ZMYND11: variants seen among roughly 807,000 people sequenced by gnomAD.
ZMYND11 encodes the protein zinc finger MYND-type containing 11, also known as zinc finger MYND domain-containing protein 11.
Under a neutral mutation model 84.9 loss-of-function variants are expected in ZMYND11, and 9 were observed. That is an observed-to-expected ratio of 0.11 (90% confidence interval 0.06 to 0.18). The LOEUF (loss-of-function observed/expected upper bound fraction) is 0.18. Among genes scored for constraint, ZMYND11 ranks in the 10% least tolerant of loss-of-function variants. The probability of loss-of-function intolerance (pLI) is 1.00; values close to 1 mark genes in which losing one functional copy is unlikely to be tolerated. For missense variants in ZMYND11, 409 were observed against 761.0 expected (o/e 0.54, Z 5.44); for synonymous variants, 250 against 244.1 (o/e 1.02, Z -0.23).
At chr10:230,538 G>C (rs565050667) in intron 4 of ZMYND11, among the ~76,000 whole-genome samples, 1 of 151,598 alleles carries the variant, frequency 6.6e-6, no homozygotes, top group African/African-American at 2.4e-5. Context: ...ACAGGCTCTG[G>C]GGGGTAAGGC....
chr10:166,404 A>G (rs1331025330), intron 1 of ZMYND11, among the ~76,000 whole-genome samples: 1 of 152,106 alleles, frequency 6.6e-6, no homozygotes, highest in Non-Finnish European at 1.5e-5. Context: ...AACAGCAACA[A>G]AAAGACAACC....
chr10:168,050 G>A (rs1588604187), intron 1 of ZMYND11, among the ~76,000 whole-genome samples: 1 of 152,056 alleles, frequency 6.6e-6, no homozygotes, highest in Admixed American at 6.6e-5. Flanking sequence ...TGTTGAATCA[G>A]TAAGTATTTA....
At chr10:159,673 C>A (rs1259991883) in intron 1 of ZMYND11, among the ~76,000 whole-genome samples, 1 of 152,104 alleles carries the variant, frequency 6.6e-6, no homozygotes, top group Non-Finnish European at 1.5e-5. Context: ...ATATTTCTTA[C>A]ACTTTTGCCT....
chr10:171,342 C>G (rs782392341), intron 1 of ZMYND11, among the ~76,000 whole-genome samples: 1 of 152,108 alleles, frequency 6.6e-6, no homozygotes, highest in African/African-American at 2.4e-5. Context: ...CTATAGATTA[C>G]ATTATTCAAT....
intron 12 of ZMYND11, 68 bp from the exon 13 acceptor site, chr10:248,267 TG>T: frequency 6.5e-7 from 1 of 1,542,362 alleles, no homozygotes. Flanking sequence ...TTTATCCGAA[TG>T]GGGTAGTTCT....
chr10:214,933 C>T (rs1391437570), intron 3 of ZMYND11, among the ~76,000 whole-genome samples: 7 of 152,160 alleles, frequency 4.6e-5, no homozygotes, highest in Non-Finnish European at 8.8e-5. Flanking sequence ...TACTCTTAAG[C>T]AATAAGATAC....
At chr10:241,546 C>A (rs1405545780) in intron 9 of ZMYND11, among the ~76,000 whole-genome samples, 2 of 151,894 alleles carry the variant, frequency 1.3e-5, no homozygotes, top group Non-Finnish European at 2.9e-5. Context: ...TAAGGCTTTG[C>A]CTTTGTCTGT....
chr10:138,477 C>T (rs1400443962), intron 1 of ZMYND11, among the ~76,000 whole-genome samples: 1 of 152,166 alleles, frequency 6.6e-6, no homozygotes, highest in Non-Finnish European at 1.5e-5. Flanking sequence ...TTTATTTGGA[C>T]TCTCATCCTT....
At chr10:167,910 A>T (rs999805210) in intron 1 of ZMYND11, among the ~76,000 whole-genome samples, 1 of 152,156 alleles carries the variant, frequency 6.6e-6, no homozygotes, top group Admixed American at 6.6e-5. Context: ...TGCAATTCTC[A>T]CCATCATCCA....
chr10:173,386 A>G (rs549091982), intron 1 of ZMYND11, among the ~76,000 whole-genome samples: 2 of 152,212 alleles, frequency 1.3e-5, no homozygotes, highest in Non-Finnish European at 2.9e-5. Flanking sequence ...CAAAAGACAC[A>G]TCTGATAAAG....
rs1393707561 is a variant in ZMYND11 at position 247,385 on chromosome 10, A to G, written c.1159-13A>G. 6.2e-7 allele frequency: 1 copy of G among 1,613,734 alleles called. No homozygotes were observed. The highest frequency in any genetic ancestry group is 1.3e-5 in the African/African-American group (1 of 75,020). Reference sequence around the variant, plus strand: ...GTGTCTGGAATAATATATTACTTTTATAATGCCCACAGCTAAAGGTCACTC... The same window carrying G: ...GTGTCTGGAATAATATATTACTTTTGTAATGCCCACAGCTAAAGGTCACTC... On this transcript the variant is annotated splice_polypyrimidine_tract_variant and intron_variant, in intron 11 of 14. Coordinates refer to ENST00000381604, the MANE Select transcript of ZMYND11 (RefSeq NM_001370100.5).
intron 2 of ZMYND11, among the ~76,000 whole-genome samples, chr10:208,990 T>C (rs1426300424): frequency 6.6e-6 from 1 of 152,008 alleles, no homozygotes; most frequent in Non-Finnish European, 1.5e-5. Context: ...TACAGGTAGA[T>C]ACATTGACAT....
intron 14 of ZMYND11, among the ~76,000 whole-genome samples, chr10:251,484 C>T (rs1052187266): frequency 6.6e-6 from 1 of 152,190 alleles, no homozygotes; most frequent in African/African-American, 2.4e-5. Context: ...CTGGGTTCTT[C>T]CTCCAGGGCT....
intron 1 of ZMYND11, among the ~76,000 whole-genome samples, chr10:167,731 T>C (rs1164998270): frequency 2.6e-5 from 4 of 152,132 alleles, no homozygotes; most frequent in African/African-American, 9.7e-5. Context: ...ATTATTGATC[T>C]TTACTTTTCT....
At chr10:205,794 C>T (rs1232981337) in intron 2 of ZMYND11, among the ~76,000 whole-genome samples, 1 of 144,888 alleles carries the variant, frequency 6.9e-6, no homozygotes, top group African/African-American at 2.5e-5. Flanking sequence ...TTTTAAGTAA[C>T]TTTTTTTTTT....
At chr10:191,799 A>G (rs1940490138) in intron 2 of ZMYND11, among the ~76,000 whole-genome samples, 1 of 152,106 alleles carries the variant, frequency 6.6e-6, no homozygotes, top group Non-Finnish European at 1.5e-5. Context: ...ATTTTCCTAC[A>G]TGTGGTTGTT....
At chr10:138,005 T>G (rs987813345) in intron 1 of ZMYND11, among the ~76,000 whole-genome samples, 2 of 152,166 alleles carry the variant, frequency 1.3e-5, no homozygotes, top group Non-Finnish European at 2.9e-5. Context: ...ATTTGTGAGG[T>G]GTTTAAATAA....
At chr10:221,673 A>G (rs944467256) in intron 4 of ZMYND11, among the ~76,000 whole-genome samples, 7 of 152,236 alleles carry the variant, frequency 4.6e-5, no homozygotes, top group Non-Finnish European at 8.8e-5. Context: ...CATCTGTTCA[A>G]TAGCTACTTT....
chr10:140,467 C>T (rs569073663), intron 1 of ZMYND11, among the ~76,000 whole-genome samples: 1 of 152,104 alleles, frequency 6.6e-6, no homozygotes, highest in East Asian at 1.9e-4. Flanking sequence ...TTTGCAAATG[C>T]AAAGAAATCT....
Sources: gnomAD v4.1 joint callset for allele counts (sites outside exome capture counted in the v4.1 genomes callset) on GRCh38, gnomAD v4.1.1 for gene constraint, MANE v1.5 for transcripts, NCBI Gene and HGNC (gene_info 2026-07-23, HGNC 2026-07-21) for gene names.